CDKL3: variants seen among roughly 807,000 people sequenced by gnomAD.
CDKL3 encodes the protein cyclin dependent kinase like 3.
CDKL3 carries 65 observed loss-of-function variants against 69.3 expected under a neutral mutation model. That is an observed-to-expected ratio of 0.94 (90% CI 0.77 to 1.15). The LOEUF (loss-of-function observed/expected upper bound fraction) is 1.15. CDKL3 is among the 50% of genes most tolerant of loss of function. The probability of loss-of-function intolerance (pLI) is 0.00; values close to 1 mark genes in which losing one functional copy is unlikely to be tolerated. For missense variants in CDKL3, 652 were observed against 689.2 expected, an observed-to-expected ratio of 0.95 and a Z score of 0.61; for synonymous variants, 202 against 221.6, an observed-to-expected ratio of 0.91 and a Z score of 0.79.
chr5:134,343,297 T>C (rs530619883), intron 4 of CDKL3, among the ~76,000 whole-genome samples: 1 of 152,262 alleles, frequency 6.6e-6, no homozygotes, highest in South Asian at 2.1e-4. Context: ...TAAGCCCTTA[T>C]GAAACCACCT....
At chr5:134,308,101 G>A (rs2149442410) in intron 9 of CDKL3, 37 bp downstream of exon 9, 1 of 1,560,048 alleles carries the variant, frequency 6.4e-7, no homozygotes, top group South Asian at 1.2e-5. Context: ...ATACAGGAAT[G>A]TTGTATTATT....
At position 134,292,925 on chromosome 5, in the gene CDKL3, T is replaced by C. The variant is rs1273444661; in HGVS notation, c.*678-6366A>G. On this transcript the variant is annotated intron_variant and NMD_transcript_variant, in intron 8 of 8. Transcript: ENST00000519312. ...AATCTGAATATCTCTATTAAATAAA[T>C]GTAAGGAAATTAAATTTGTATATTA... is the stretch of plus-strand genomic sequence containing the variant. 4.7e-5 allele frequency among the ~76,000 whole-genome samples: 7 copies of C among 149,156 alleles called. No homozygotes were observed. In the Admixed American group the frequency reaches 4.7e-4, roughly 10 times the overall value.
chr5:134,308,217 T>G lies in CDKL3; in HGVS notation c.1285A>C (p.Thr429Pro), dbSNP rs758094067. ...TTAGTTAGATTGATGGGTGGCATTG[T>G]CACAGAACCTCCGCAATGTGGATTT... ...KENPHCGGSV[T>P]MPPINLTNSN... The change falls in exon 9 of 13, where the codon ACA becomes CCA. Residue 429 changes from threonine to proline, a missense_variant. Coordinates refer to ENST00000265334, the MANE Select transcript of CDKL3 (RefSeq NM_001113575.2). The G allele has an allele frequency of 1.2e-6, 2 of 1,613,956 alleles. No homozygotes were observed. Among genetic ancestry groups the G allele is most frequent in the South Asian group, 1.1e-5 (1 of 91,078 alleles).
At chr5:134,332,914 TC>T (rs1776161560) in intron 4 of CDKL3, among the ~76,000 whole-genome samples, 2 of 152,258 alleles carry the variant, frequency 1.3e-5, no homozygotes, top group Non-Finnish European at 2.9e-5. Context: ...TATTGATTCT[TC>T]CTGTCCATGG....
At chr5:134,309,009 G>GA (rs1336508192) in intron 7 of CDKL3, among the ~76,000 whole-genome samples, 2 of 152,062 alleles carry the variant, frequency 1.3e-5, no homozygotes, top group Non-Finnish European at 2.9e-5. Flanking sequence ...ACTTTACTCA[G>GA]AAAAATATTG....
intron 2 of CDKL3, 58 bp from the exon 3 acceptor site, chr5:134,360,149 A>G: frequency 2.7e-6 from 3 of 1,124,874 alleles, no homozygotes; most frequent in Non-Finnish European, 3.8e-6. Context: ...CAATTTGTAC[A>G]TATAACGTGT....
intron 4 of CDKL3, among the ~76,000 whole-genome samples, chr5:134,333,088 C>T (rs559504531): frequency 6.6e-6 from 1 of 152,166 alleles, no homozygotes; most frequent in South Asian, 2.1e-4. Context: ...TGATTTGGCT[C>T]TCCGTTTGTC....
At chr5:134,366,828 A>G (rs1320334639) in intron 1 of CDKL3, 149 bp downstream of exon 1, 31 of 899,316 alleles carry the variant, frequency 3.4e-5, no homozygotes, top group Non-Finnish European at 4.0e-5. Context: ...GTCACCATCC[A>G]TCAAGCATGG....
chr5:134,342,347 C>T (rs2149566863), intron 4 of CDKL3, among the ~76,000 whole-genome samples: 1 of 152,072 alleles, frequency 6.6e-6, no homozygotes, highest in Middle Eastern at 3.4e-3. Flanking sequence ...GCCTGTAATC[C>T]CAGCACTTTG....
chr5:134,294,456 A>G (rs1310760357), downstream of CDKL3, among the ~76,000 whole-genome samples: 1 of 152,176 alleles, frequency 6.6e-6, no homozygotes, highest in Non-Finnish European at 1.5e-5. Flanking sequence ...GCAAATGTCC[A>G]CTGTCATGAC....
intron 4 of CDKL3, among the ~76,000 whole-genome samples, chr5:134,329,739 G>C (rs1048196573): frequency 3.3e-5 from 5 of 152,074 alleles, no homozygotes; most frequent in Non-Finnish European, 7.4e-5. Context: ...AAAGTGCTGG[G>C]ATTACAGGCG....
chr5:134,362,749 T>C (rs966645878), intron 2 of CDKL3, among the ~76,000 whole-genome samples: 2 of 151,820 alleles, frequency 1.3e-5, no homozygotes, highest in Admixed American at 6.6e-5. Flanking sequence ...GGCAACATGG[T>C]GAAACCCCGT....
chr5:134,310,217 G>A (rs1307083230), intron 7 of CDKL3, among the ~76,000 whole-genome samples: 3 of 151,458 alleles, frequency 2.0e-5, no homozygotes, highest in Admixed American at 6.6e-5. Flanking sequence ...ACAGAGTCTC[G>A]CTCTGTCACC....
At chr5:134,354,385 A>G (rs941210723) in intron 3 of CDKL3, among the ~76,000 whole-genome samples, 1 of 152,226 alleles carries the variant, frequency 6.6e-6, no homozygotes, top group Admixed American at 6.5e-5. Context: ...AGTGACAGAA[A>G]TCTGGGATCT....
intron 4 of CDKL3, among the ~76,000 whole-genome samples, chr5:134,345,134 G>A (rs533332015): frequency 1.9e-4 from 29 of 152,086 alleles, no homozygotes; most frequent in African/African-American, 6.8e-4. Context: ...GGTTAGGGAG[G>A]GAGTTCAGAG....
At chr5:134,344,203 A>C (rs1316644708) in intron 4 of CDKL3, among the ~76,000 whole-genome samples, 1 of 152,222 alleles carries the variant, frequency 6.6e-6, no homozygotes, top group African/African-American at 2.4e-5. Context: ...CTTAGAAGAA[A>C]ATGTAACTGT....
rs1289949277 is a variant in CDKL3 at position 134,359,893 on chromosome 5, T to C, written c.360+4A>G. ...TACAAATTGGCTTATTCTGAAGCACTTACATTATTACTGTGAAGATAGTCA... is the reference window on the plus strand; with the variant it reads ...TACAAATTGGCTTATTCTGAAGCACCTACATTATTACTGTGAAGATAGTCA... On this transcript the variant is annotated splice_donor_region_variant and intron_variant, in intron 3 of 12. Coordinates refer to ENST00000265334, the MANE Select transcript of CDKL3 (RefSeq NM_001113575.2). The C allele has an allele frequency of 6.4e-7, 1 of 1,566,222 alleles. No individual in the cohort carries two copies. Among genetic ancestry groups the C allele is most frequent in the Non-Finnish European group, 8.7e-7 (1 of 1,155,918 alleles).
chr5:134,322,258 C>T (rs528933291), intron 4 of CDKL3, among the ~76,000 whole-genome samples: 48 of 152,096 alleles, frequency 3.2e-4, no homozygotes, highest in Admixed American at 9.2e-4. Context: ...GTGATCTGCC[C>T]GCCTCAGCCT....
At chr5:134,286,368 A>AGTC (rs1764860985), downstream of CDKL3, 1 of 161,848 alleles carries the variant, frequency 6.2e-6, no homozygotes, top group Non-Finnish European at 1.3e-5. Flanking sequence ...CCATTCAACA[A>AGTC]GTCTCTAGAA....
Sources: allele counts gnomAD v4.1 joint callset (sites outside exome capture counted in the v4.1 genomes callset), GRCh38; gene constraint gnomAD v4.1.1; transcripts MANE v1.5; gene names NCBI Gene and HGNC (gene_info 2026-07-23, HGNC 2026-07-21).